The following RBM26 variants were observed in gnomAD, a reference collection of about 807,000 sequenced individuals.
RBM26 encodes RNA-binding protein 26.
RBM26 carries 30 observed loss-of-function variants against 123.6 expected under a neutral mutation model. The observed-to-expected ratio is 0.24, with a 90% CI of 0.18 to 0.33. RBM26 has a LOEUF of 0.33. RBM26 is among the 10% of genes least tolerant of loss of function. The pLI, the probability that RBM26 is intolerant of heterozygous loss-of-function variation, is 1.00. For synonymous variants in RBM26, 400 were observed against 404.4 expected, an observed-to-expected ratio of 0.99 and a Z score of 0.13; for missense variants, 947 against 1,203.6, an observed-to-expected ratio of 0.79 and a Z score of 3.15.
intron 21 of RBM26, 32 bp from the exon 22 acceptor site, chr13:79,320,742 CAAAAAAAAAA>C: frequency 9.2e-7 from 1 of 1,086,560 alleles, no homozygotes; most frequent in Non-Finnish European, 1.2e-6. Context: ...GGAATTTACC[CAAAAAAAAAA>C]AAAAGAAAAG....
In RBM26 at chr13:79,326,603, C is replaced by T. The variant is rs575908090; in HGVS notation, c.2821-4141G>A. Among the ~76,000 whole-genome samples the T allele has an allele frequency of 3.3e-5, 5 of 152,130 alleles. No individual in the cohort carries two copies. In the East Asian group the frequency reaches 9.6e-4, roughly 29 times the overall value. ...TAAAGCCAGCAAAGATAAACTTAAA[C>T]AAATCATTTCTACAAAACAGCCTGT... On this transcript the variant is annotated intron_variant, in intron 20 of 21. Coordinates refer to ENST00000438737, the MANE Select transcript of RBM26 (RefSeq NM_001366735.2).
intron 10 of RBM26, among the ~76,000 whole-genome samples, chr13:79,359,366 C>T (rs1466362684): frequency 1.3e-5 from 2 of 152,052 alleles, no homozygotes; most frequent in African/African-American, 4.8e-5. Flanking sequence ...AAAAATTATG[C>T]CCTGAACTAC....
At chr13:79,338,668 G>C (rs1036121814) in intron 18 of RBM26, among the ~76,000 whole-genome samples, 4 of 152,150 alleles carry the variant, frequency 2.6e-5, no homozygotes, top group Non-Finnish European at 4.4e-5. Flanking sequence ...AGCAGTAAAA[G>C]AGTGATGTAA....
At chr13:79,392,034 ATAT>A (rs1485547725) in intron 1 of RBM26, among the ~76,000 whole-genome samples, 9 of 105,120 alleles carry the variant, frequency 8.6e-5, no homozygotes, top group Non-Finnish European at 1.8e-4. Flanking sequence ...ATATAATTAT[ATAT>A]TATACAATAC....
intron 9 of RBM26, among the ~76,000 whole-genome samples, chr13:79,364,215 AT>A (rs2075023000): frequency 6.6e-6 from 1 of 152,194 alleles, no homozygotes; most frequent in South Asian, 2.1e-4. Flanking sequence ...ATGTTGTCCT[AT>A]GATCTAAAAG....
chr13:79,367,576 T>A (rs1424645996), intron 6 of RBM26, among the ~76,000 whole-genome samples: 1 of 151,834 alleles, frequency 6.6e-6, no homozygotes, highest in Non-Finnish European at 1.5e-5. Flanking sequence ...CCTCTATTAG[T>A]TCACAGGAGC....
chr13:79,336,059 C>G (rs766206023), intron 19 of RBM26, among the ~76,000 whole-genome samples: 2 of 152,038 alleles, frequency 1.3e-5, no homozygotes, highest in Non-Finnish European at 2.9e-5. Flanking sequence ...GTCAATATCT[C>G]CTTATGTCCT....
At chr13:79,318,776 T>C (rs1002459563), downstream of RBM26, 17 of 982,720 alleles carry the variant, frequency 1.7e-5, no homozygotes, top group South Asian at 4.7e-5. Context: ...AAAATCAGCA[T>C]GGAGATTTAA....
rs1428424748 is a variant in RBM26 at position 79,352,230 on chromosome 13, TA to T, written c.2058+922del. 5.3e-5 allele frequency among the ~76,000 whole-genome samples: 8 copies of T among 152,282 alleles called. No individual in the cohort carries two copies. In the East Asian group the frequency reaches 1.2e-3, roughly 22 times the overall value. On this transcript the variant is annotated intron_variant, in intron 14 of 21. Coordinates refer to ENST00000438737, the MANE Select transcript of RBM26 (RefSeq NM_001366735.2). The stretch of plus-strand genomic sequence containing the variant: ...CAGGGCAGCTATCTCACTGATGCAT[TA>T]TCTCTGAAATTGATTCCCAATCTTC...
intron 10 of RBM26, among the ~76,000 whole-genome samples, chr13:79,359,291 A>G (rs1224203572): frequency 6.6e-6 from 1 of 152,132 alleles, no homozygotes; most frequent in African/African-American, 2.4e-5. Flanking sequence ...TCCTGTATAT[A>G]GCTAGTATTC....
intron 1 of RBM26, among the ~76,000 whole-genome samples, chr13:79,390,187 G>A (rs552048081): frequency 3.9e-5 from 6 of 152,166 alleles, no homozygotes; most frequent in Non-Finnish European, 7.4e-5. Context: ...TAAGACTTAA[G>A]AAATTGTGTC....
chr13:79,362,635 T>G (rs2074832024), intron 9 of RBM26, among the ~76,000 whole-genome samples: 1 of 152,168 alleles, frequency 6.6e-6, no homozygotes, highest in African/African-American at 2.4e-5. Flanking sequence ...TGCAAAAGGA[T>G]TTTTGGTCTT....
intron 1 of RBM26, among the ~76,000 whole-genome samples, chr13:79,385,010 G>A (rs1170729853): frequency 6.6e-6 from 1 of 152,148 alleles, no homozygotes; most frequent in Non-Finnish European, 1.5e-5. Context: ...AAAAGAAGCT[G>A]GAGGTGGTAG....
At chr13:79,400,312 C>T (rs774495271) in intron 1 of RBM26, among the ~76,000 whole-genome samples, 5 of 152,122 alleles carry the variant, frequency 3.3e-5, no homozygotes, top group Non-Finnish European at 7.4e-5. Flanking sequence ...AGTCTCATAT[C>T]AAGGTACTGG....
intron 1 of RBM26, among the ~76,000 whole-genome samples, chr13:79,403,422 A>C (rs920676053): frequency 6.6e-6 from 1 of 152,214 alleles, no homozygotes; most frequent in Non-Finnish European, 1.5e-5. Context: ...AAAAATTACA[A>C]GCATACACTC....
chr13:79,335,037 T>C (rs1442881631), intron 19 of RBM26, among the ~76,000 whole-genome samples: 1 of 152,152 alleles, frequency 6.6e-6, no homozygotes, highest in Admixed American at 6.5e-5. Flanking sequence ...TTTTGGTTTG[T>C]TGGATTTTTT....
At chr13:79,387,001 A>G (rs887072818) in intron 1 of RBM26, among the ~76,000 whole-genome samples, 6 of 152,198 alleles carry the variant, frequency 3.9e-5, no homozygotes, top group Non-Finnish European at 5.9e-5. Flanking sequence ...GTGTGGTTAT[A>G]TATGTTAGAG....
At chr13:79,314,255 G>A (rs144906740), downstream of RBM26, 1 of 151,706 alleles carries the variant, frequency 6.6e-6, no homozygotes, top group East Asian at 1.9e-4. Flanking sequence ...GGTCGTCTTC[G>A]ATGTCTTGAT....
intron 20 of RBM26, 73 bp from the exon 21 acceptor site, chr13:79,322,535 T>C (rs1290171186): frequency 3.1e-6 from 3 of 973,590 alleles, no homozygotes; most frequent in East Asian, 5.9e-5. Context: ...TCATAGTGCC[T>C]AACATTAAAA....
Sources: gnomAD v4.1 joint callset for allele counts (sites outside exome capture counted in the v4.1 genomes callset) on GRCh38, gnomAD v4.1.1 for gene constraint, MANE v1.5 for transcripts, NCBI Gene and HGNC (gene_info 2026-07-23, HGNC 2026-07-21) for gene names.